The following STARD13 variants were observed in gnomAD, a reference collection of about 807,000 sequenced individuals.
The protein encoded by STARD13 is StAR related lipid transfer domain containing 13.
STARD13 carries 62 observed loss-of-function variants against 106.4 expected under a neutral mutation model. The observed-to-expected ratio is 0.58, with a 90% CI of 0.48 to 0.72. STARD13 has a LOEUF of 0.72. Among genes scored for constraint, STARD13 ranks in the 30% least tolerant of loss-of-function variants. The pLI, the probability that STARD13 is intolerant of heterozygous loss-of-function variation, is 0.00. For missense variants in STARD13, 1,387 were observed against 1,424.0 expected (o/e 0.97, Z 0.42); for synonymous variants, 565 against 553.0 (o/e 1.02, Z -0.31).
the STARD13 span, among the ~76,000 whole-genome samples, chr13:33,579,121 T>A: frequency 6.6e-6 from 1 of 152,106 alleles, no homozygotes; most frequent in Non-Finnish European, 1.5e-5. Flanking sequence ...AAAGTAATTC[T>A]ACCATTTGAC....
chr13:33,114,293 G>T (rs1314326952), intron 8 of STARD13, among the ~76,000 whole-genome samples: 1 of 152,180 alleles, frequency 6.6e-6, no homozygotes, highest in Non-Finnish European at 1.5e-5. Context: ...CCCAGGCTTT[G>T]TGGTCCTGGG....
chr13:33,537,087 A>G, the STARD13 span, among the ~76,000 whole-genome samples: 1 of 152,248 alleles, frequency 6.6e-6, no homozygotes, highest in Non-Finnish European at 1.5e-5. Context: ...AAGAGAGCAA[A>G]TACCACGACT....
the STARD13 span, among the ~76,000 whole-genome samples, chr13:33,627,021 CCT>C: frequency 2.0e-5 from 3 of 152,222 alleles, no homozygotes; most frequent in Admixed American, 6.5e-5. Context: ...ATAGAATAAA[CCT>C]GCTTCAAACT....
chr13:33,499,594 C>CT, the STARD13 span, among the ~76,000 whole-genome samples: 243 of 60,504 alleles, frequency 4.0e-3, no homozygotes, highest in South Asian at 8.6e-3. Context: ...TCTTCTTCTT[C>CT]TTCTTCTTCT....
intron 1 of STARD13, among the ~76,000 whole-genome samples, chr13:33,338,660 G>A (rs535926499): frequency 3.4e-4 from 52 of 152,124 alleles, no homozygotes; most frequent in Middle Eastern, 3.4e-3. Context: ...TCTAGAATGA[G>A]TTTATAAGAT....
chr13:33,149,400 C>A (rs1880972690), intron 3 of STARD13, among the ~76,000 whole-genome samples: 1 of 152,104 alleles, frequency 6.6e-6, no homozygotes, highest in Non-Finnish European at 1.5e-5. Flanking sequence ...AAAATGAAGT[C>A]TTTTTTTATT....
At chr13:33,527,071 T>C in the STARD13 span, among the ~76,000 whole-genome samples, 1 of 152,270 alleles carries the variant, frequency 6.6e-6, no homozygotes, top group East Asian at 1.9e-4. Context: ...TTCCTTAGAA[T>C]TTTTCTTTTA....
At chr13:33,207,151 C>T (rs1234855816) in intron 1 of STARD13, among the ~76,000 whole-genome samples, 5 of 152,088 alleles carry the variant, frequency 3.3e-5, no homozygotes, top group Admixed American at 1.3e-4. Context: ...GAAAGGATTC[C>T]GGGAGTAAGG....
chr13:33,110,804 G>A lies in STARD13; in HGVS notation c.2711C>T (p.Ala904Val), dbSNP rs1874428937. 1.9e-6 allele frequency: 3 copies of A among 1,614,094 alleles called. No homozygotes were observed. Among genetic ancestry groups the A allele is most frequent in the African/African-American group, 2.7e-5 (2 of 75,032 alleles). ...ATGGTTCAGGTAAGTGTGGAAAGTT[G>A]CCCCACTCTCCTCCAGCTGTGTCCC... ...ELGTQLEESGATFHTYLNHLI... is the reference protein window; with the variant it reads ...ELGTQLEESGVTFHTYLNHLI... Residue 904 changes from alanine (A) to valine (V), a missense_variant, in exon 11 of 14, where the codon GCA (alanine) becomes GTA (valine). Coordinates refer to ENST00000336934, the MANE Select transcript of STARD13 (RefSeq NM_178006.4).
At chr13:33,250,974 AAG>A (rs1890067721) in intron 1 of STARD13, among the ~76,000 whole-genome samples, 1 of 152,182 alleles carries the variant, frequency 6.6e-6, no homozygotes, top group Non-Finnish European at 1.5e-5. Context: ...GAAAGCATAG[AAG>A]GAGGGGAGAA....
At chr13:33,248,315 C>T (rs149617414) in intron 1 of STARD13, among the ~76,000 whole-genome samples, 2,898 of 151,632 alleles carry the variant, frequency 0.019, 97 homozygotes, top group African/African-American at 0.067. Flanking sequence ...CCAGCCTGGG[C>T]GACAGAGTGA....
Position 33,103,374 on chromosome 13 carries a change from T to G in STARD13, c.*2219A>C, listed in dbSNP as rs1873315762. 5 of 152,696 alleles carry G rather than the reference T, an allele frequency of 3.3e-5. No individual in the cohort carries two copies. The highest frequency in any genetic ancestry group is 7.3e-5 in the Non-Finnish European group (5 of 68,058). The allele number at this position is 152,696 out of a possible 1,614,324, so 9.5% of individuals were successfully genotyped here. Reference sequence around the variant, plus strand: ...TTTTTCTCCTTTTTTTCCCTTTTCCTTGTTTTAAAAAGATGCACTGTGTTG... The same window carrying G: ...TTTTTCTCCTTTTTTTCCCTTTTCCGTGTTTTAAAAAGATGCACTGTGTTG... On this transcript the variant is annotated 3_prime_UTR_variant, in exon 14 of 14. Coordinates refer to ENST00000336934, the MANE Select transcript of STARD13 (RefSeq NM_178006.4).
Position 33,130,195 on chromosome 13 carries a change from G to A in STARD13, c.482C>T (p.Thr161Met), listed in dbSNP as rs779118474. 4.0e-5 allele frequency: 65 copies of A among 1,613,338 alleles called. No individual in the cohort carries two copies. The highest frequency in any genetic ancestry group is 1.6e-4 in the Middle Eastern group (1 of 6,062). Residue 161 changes from threonine to methionine, a missense_variant, in exon 5 of 14, where the codon ACG becomes ATG. By Grantham distance (81) the Thr-to-Met change is moderately conservative. Coordinates refer to ENST00000336934, the MANE Select transcript of STARD13 (RefSeq NM_178006.4). The surrounding 1 kb of genome is among the most constrained non-coding windows in gnomAD (Gnocchi z 4.1). ...RRWSRVDDLY[T>M]LLPRGDRNGS... ...ATTTCTGTCTCCTCGAGGGAGCAGCGTGTAGAGGTCGTCCACACGAGACCA... is the reference window on the plus strand; with the variant it reads ...ATTTCTGTCTCCTCGAGGGAGCAGCATGTAGAGGTCGTCCACACGAGACCA...
At chr13:33,338,220 C>A (rs1238229169) in intron 1 of STARD13, among the ~76,000 whole-genome samples, 1 of 152,278 alleles carries the variant, frequency 6.6e-6, no homozygotes, top group Non-Finnish European at 1.5e-5. Context: ...TCAGACCAAC[C>A]CATGAAATCC....
rs1382994267 is a variant in STARD13, at chr13:33,142,359, A to T, written c.338T>A (p.Leu113Ter). 6.2e-7 allele frequency: 1 copy of T among 1,614,060 alleles called. No homozygotes were observed. The highest frequency in any genetic ancestry group is 1.1e-5 in the South Asian group (1 of 91,076). ...VEPLCRRLNTLNKCASMKLDV... is the reference protein window; with the variant it reads ...VEPLCRRLNT ...AAGTTTCATTGAGGCACACTTGTTC[A>T]ACGTATTTAGTCGTCTAAAAGGAAA... The change falls in exon 4 of 14, where the codon TTG becomes TAG. Residue 113 changes from leucine (L) to a stop codon, truncating the protein, a stop_gained. Coordinates refer to ENST00000336934, the MANE Select transcript of STARD13 (RefSeq NM_178006.4). LOFTEE classifies it high-confidence loss of function.
At chr13:33,532,458 G>A in the STARD13 span, among the ~76,000 whole-genome samples, 1 of 152,208 alleles carries the variant, frequency 6.6e-6, no homozygotes, top group African/African-American at 2.4e-5. Context: ...CTCTCAATAT[G>A]TAACTTCTAA....
chr13:33,391,843 T>A, the STARD13 span, among the ~76,000 whole-genome samples: 1 of 152,118 alleles, frequency 6.6e-6, no homozygotes. Context: ...TCCTGCCACA[T>A]GGAAGAGGCC....
At chr13:33,572,519 A>T in the STARD13 span, among the ~76,000 whole-genome samples, 3 of 152,314 alleles carry the variant, frequency 2.0e-5, no homozygotes, top group East Asian at 5.8e-4. Context: ...CCAATCCATG[A>T]CTTGTTCATT....
At chr13:33,111,682 C>G in intron 10 of STARD13, 96 bp downstream of exon 10, 1 of 774,656 alleles carries the variant, frequency 1.3e-6, no homozygotes, top group East Asian at 2.6e-5. Flanking sequence ...AAATCAGGAA[C>G]AAACAGATAG....
Sources: allele counts gnomAD v4.1 joint callset (sites outside exome capture counted in the v4.1 genomes callset), GRCh38; gene constraint gnomAD v4.1.1; non-coding constraint Gnocchi (gnomAD v3.1); transcripts MANE v1.5; gene names NCBI Gene and HGNC (gene_info 2026-07-23, HGNC 2026-07-21).